EEFSEC: variants seen among roughly 807,000 people sequenced by gnomAD.
The protein encoded by EEFSEC is eukaryotic elongation factor, selenocysteine-tRNA specific, also known as selenocysteine-specific elongation factor.
Under a neutral mutation model 42.1 loss-of-function variants are expected in EEFSEC, and 43 were observed. The observed-to-expected ratio is 1.02, with a 90% CI of 0.80 to 1.32. The LOEUF is 1.32. Among genes scored for constraint, EEFSEC ranks in the 40% most tolerant of loss-of-function variants. The pLI, the probability that EEFSEC is intolerant of heterozygous loss-of-function variation, is 0.00. For synonymous variants in EEFSEC, 354 were observed against 339.1 expected, an observed-to-expected ratio of 1.04 and a Z score of -0.48; for missense variants, 745 against 803.6, an observed-to-expected ratio of 0.93 and a Z score of 0.88.
chr3:128,200,513 C>CCCCACCTCAGGTGATCCG (rs1245943296), intron 1 of EEFSEC, among the ~76,000 whole-genome samples: 1 of 152,128 alleles, frequency 6.6e-6, no homozygotes, highest in African/African-American at 2.4e-5. Context: ...GTCTCGAGCT[C>CCCCACCTCAGGTGATCCG]CCCACCTCAG....
chr3:128,366,014 AG>A (rs1553760556), intron 6 of EEFSEC, among the ~76,000 whole-genome samples: 1 of 152,226 alleles, frequency 6.6e-6, no homozygotes, highest in Non-Finnish European at 1.5e-5. Context: ...ACCAGGCAAC[AG>A]ATTGTCAGGG....
chr3:128,228,822 A>T (rs1242401869), intron 1 of EEFSEC, among the ~76,000 whole-genome samples: 1 of 152,184 alleles, frequency 6.6e-6, no homozygotes. Context: ...CAATGAGCTG[A>T]TGTATGCAAT....
intron 4 of EEFSEC, among the ~76,000 whole-genome samples, chr3:128,315,773 G>T (rs533107351): frequency 6.6e-6 from 1 of 152,226 alleles, no homozygotes; most frequent in South Asian, 2.1e-4. Flanking sequence ...GAAAGAAATT[G>T]GCCATAATTC....
At chr3:128,185,978 T>A (rs2065460829) in intron 1 of EEFSEC, among the ~76,000 whole-genome samples, 1 of 152,224 alleles carries the variant, frequency 6.6e-6, no homozygotes, top group African/African-American at 2.4e-5. Context: ...TGCTGGATCA[T>A]ATGGTAACTC....
intron 5 of EEFSEC, among the ~76,000 whole-genome samples, chr3:128,353,305 G>A (rs112340896): frequency 0.028 from 4,212 of 152,256 alleles, 218 homozygotes; most frequent in African/African-American, 0.095. Flanking sequence ...ATAACCATAG[G>A]TGGGGAAAGT....
At chr3:128,331,279 T>C (rs2067129177) in intron 4 of EEFSEC, among the ~76,000 whole-genome samples, 1 of 18,762 alleles carries the variant, frequency 5.3e-5, no homozygotes, top group Admixed American at 5.8e-4. Flanking sequence ...TCTCCCCTCT[T>C]CCCCCTTCCT....
chr3:128,180,687 C>T (rs774463080), intron 1 of EEFSEC, among the ~76,000 whole-genome samples: 4 of 152,198 alleles, frequency 2.6e-5, no homozygotes, highest in South Asian at 4.1e-4. Context: ...GGCCCTGCAT[C>T]GATGGGACCA....
At chr3:128,240,800 A>G (rs1212104782) in intron 1 of EEFSEC, among the ~76,000 whole-genome samples, 1 of 152,246 alleles carries the variant, frequency 6.6e-6, no homozygotes, top group Non-Finnish European at 1.5e-5. Flanking sequence ...ATGGAGCCTG[A>G]TCAGTCCTGG....
intron 1 of EEFSEC, among the ~76,000 whole-genome samples, chr3:128,240,426 A>G (rs2066058070): frequency 6.6e-6 from 1 of 151,832 alleles, no homozygotes; most frequent in South Asian, 2.1e-4. Context: ...AAGCTTGGGG[A>G]CCTCCAAGCC....
intron 4 of EEFSEC, among the ~76,000 whole-genome samples, chr3:128,297,455 C>A (rs2066718748): frequency 6.6e-6 from 1 of 152,154 alleles, no homozygotes; most frequent in African/African-American, 2.4e-5. Flanking sequence ...GGTCAAGATG[C>A]CATCAGGAGG....
intron 6 of EEFSEC, among the ~76,000 whole-genome samples, chr3:128,361,466 G>C (rs79525867): frequency 0.019 from 2,903 of 152,324 alleles, 101 homozygotes; most frequent in African/African-American, 0.065. Context: ...CCTGGTTTGA[G>C]CCCTAGCAAC....
intron 1 of EEFSEC, among the ~76,000 whole-genome samples, chr3:128,167,488 G>A (rs2065252525): frequency 6.6e-6 from 1 of 152,244 alleles, no homozygotes; most frequent in Non-Finnish European, 1.5e-5. Flanking sequence ...AGTGGAGGAA[G>A]CTTGCCTTGA....
chr3:128,236,363 C>T (rs1229837802), intron 1 of EEFSEC, among the ~76,000 whole-genome samples: 4 of 152,160 alleles, frequency 2.6e-5, no homozygotes, highest in African/African-American at 9.7e-5. Flanking sequence ...AATTCTAGCT[C>T]CCTATCTTTC....
intron 4 of EEFSEC, among the ~76,000 whole-genome samples, chr3:128,299,620 T>C (rs2066745013): frequency 1.3e-5 from 2 of 152,036 alleles, no homozygotes; most frequent in Admixed American, 6.6e-5. Context: ...ACCTGACACA[T>C]GGGGAAGGCC....
At chr3:128,179,126 C>T (rs1406560401) in intron 1 of EEFSEC, among the ~76,000 whole-genome samples, 1 of 152,090 alleles carries the variant, frequency 6.6e-6, no homozygotes, top group East Asian at 1.9e-4. Flanking sequence ...AAAAATTAGC[C>T]GTTGATACTC....
intron 4 of EEFSEC, among the ~76,000 whole-genome samples, chr3:128,322,206 G>A (rs1204301022): frequency 3.3e-5 from 5 of 152,234 alleles, no homozygotes; most frequent in African/African-American, 9.6e-5. Context: ...TTGCCATGAC[G>A]GCCCGTCCAG....
chr3:128,250,677 C>G (rs1016584530), intron 2 of EEFSEC, among the ~76,000 whole-genome samples: 32 of 152,068 alleles, frequency 2.1e-4, no homozygotes, highest in Admixed American at 1.9e-3. Context: ...AAGTATGACT[C>G]TTCTCTCTTT....
intron 1 of EEFSEC, among the ~76,000 whole-genome samples, chr3:128,167,355 G>A (rs1175899223): frequency 6.6e-6 from 1 of 152,236 alleles, no homozygotes; most frequent in East Asian, 1.9e-4. Context: ...CCTTGGTACA[G>A]AGTAAATATT....
intron 6 of EEFSEC, among the ~76,000 whole-genome samples, chr3:128,394,245 T>C (rs2067952726): frequency 6.6e-6 from 1 of 151,842 alleles, no homozygotes; most frequent in African/African-American, 2.4e-5. Context: ...AAATCAGGAG[T>C]GTGGGTGGGG....
Sources: allele counts gnomAD v4.1 joint callset (sites outside exome capture counted in the v4.1 genomes callset), GRCh38; gene constraint gnomAD v4.1.1; transcripts MANE v1.5; gene names NCBI Gene and HGNC (gene_info 2026-07-23, HGNC 2026-07-21).